RBFOX1: variants seen among roughly 807,000 people sequenced by gnomAD.
The protein encoded by RBFOX1 is RNA binding fox-1 homolog 1, also known as RNA binding protein fox-1 homolog 1.
A neutral mutation model predicts 57.7 loss-of-function variants in RBFOX1; 8 were observed. That is an observed-to-expected ratio of 0.14 (90% confidence interval 0.08 to 0.25). The LOEUF is 0.25. Among genes scored for constraint, RBFOX1 ranks in the 10% least tolerant of loss-of-function variants. RBFOX1 has a pLI of 1.00. For synonymous variants in RBFOX1, 326 were observed against 222.4 expected (o/e 1.47, Z -4.15); for missense variants, 611 against 548.5 (o/e 1.11, Z -1.14).
Position 5,469,458 on chromosome 16 carries a change from C to G in RBFOX1, c.258+2204C>G, listed in dbSNP as rs188416437. On this transcript the variant is annotated intron_variant, in intron 2 of 2. Transcript: ENST00000585867. ...CACGTGCATTCATTGCTTCTGTCTA[C>G]GCTGCCTGAGTGATGGCACCATTGT... is the stretch of plus-strand genomic sequence containing the variant. Among the ~76,000 whole-genome samples, 172 of 152,292 alleles carry G rather than the reference C, an allele frequency of 1.1e-3. 1 individual carries two copies. Among genetic ancestry groups the G allele is most frequent in the Admixed American group, 2.4e-3 (36 of 15,302 alleles).
intron 3 of RBFOX1, among the ~76,000 whole-genome samples, chr16:6,984,381 A>G (rs4786956): frequency 0.78 from 118,447 of 152,072 alleles, 46,678 homozygotes; most frequent in African/African-American, 0.9. Context: ...CCTACATCCT[A>G]CAGCACTACT....
chr16:5,558,530 G>C (rs138952086), intron 2 of RBFOX1, among the ~76,000 whole-genome samples: 1 of 152,096 alleles, frequency 6.6e-6, no homozygotes, highest in Non-Finnish European at 1.5e-5. Flanking sequence ...AGTGACCAGA[G>C]ACACTCCTGA....
At position 7,501,570 on chromosome 16, in the gene RBFOX1, C is replaced by T. The variant is rs572831269; in HGVS notation, c.28-16577C>T. On this transcript the variant is annotated intron_variant, in intron 4 of 15. Transcript: ENST00000550418. ...AGCCCAGCTCTATATTTTATAGGTC[C>T]TATGTCTCTGTGAAAATGTCCTCAT... Among the ~76,000 whole-genome samples, 4 of 152,316 alleles carry T rather than the reference C, an allele frequency of 2.6e-5. No individual in the cohort carries two copies. In the South Asian group the frequency reaches 8.3e-4, roughly 32 times the overall value.
chr16:7,029,109 C>CAT (rs1568440190), intron 3 of RBFOX1, among the ~76,000 whole-genome samples: 13 of 61,814 alleles, frequency 2.1e-4, no homozygotes, highest in Non-Finnish European at 3.0e-4. Flanking sequence ...CACACACACA[C>CAT]ACACACACAC....
intron 4 of RBFOX1, among the ~76,000 whole-genome samples, chr16:7,150,411 G>T (rs540730349): frequency 6.6e-6 from 1 of 152,242 alleles, no homozygotes; most frequent in South Asian, 2.1e-4. Context: ...TGGTCCCCGG[G>T]CTGTATTTGA....
chr16:6,489,416 G>A (rs2095579845), intron 2 of RBFOX1, among the ~76,000 whole-genome samples: 1 of 152,132 alleles, frequency 6.6e-6, no homozygotes, highest in South Asian at 2.1e-4. Flanking sequence ...GATAAGCCTA[G>A]GAGATTGTTA....
intron 3 of RBFOX1, among the ~76,000 whole-genome samples, chr16:6,657,973 G>A (rs1297946098): frequency 6.6e-6 from 1 of 151,776 alleles, no homozygotes; most frequent in African/African-American, 2.4e-5. Flanking sequence ...TTCGTTTCCA[G>A]ATATTCCACA....
chr16:7,620,447 C>G (rs2059134712), intron 10 of RBFOX1, among the ~76,000 whole-genome samples: 1 of 152,218 alleles, frequency 6.6e-6, no homozygotes, highest in Admixed American at 6.5e-5. Flanking sequence ...TTCATTATTT[C>G]TCCTCTGCAT....
chr16:6,709,975 A>G (rs1261870403), intron 3 of RBFOX1, among the ~76,000 whole-genome samples: 1 of 152,138 alleles, frequency 6.6e-6, no homozygotes, highest in Non-Finnish European at 1.5e-5. Context: ...CGGCACAGCC[A>G]CCTGTGCTCA....
At chr16:7,702,641 T>G (rs2148239203) in intron 14 of RBFOX1, among the ~76,000 whole-genome samples, 1 of 152,298 alleles carries the variant, frequency 6.6e-6, no homozygotes, top group South Asian at 2.1e-4. Flanking sequence ...TCTGGTCTTG[T>G]TCTTTCTTTT....
At chr16:5,891,866 T>A (rs1284585740) in intron 4 of RBFOX1, among the ~76,000 whole-genome samples, 3 of 152,134 alleles carry the variant, frequency 2.0e-5, no homozygotes, top group Non-Finnish European at 4.4e-5. Flanking sequence ...TCTGAGGGAT[T>A]CTAGGAACAA....
intron 1 of RBFOX1, among the ~76,000 whole-genome samples, chr16:5,389,657 C>G (rs1328458407): frequency 6.6e-6 from 1 of 151,650 alleles, no homozygotes; most frequent in Non-Finnish European, 1.5e-5. Context: ...TTTTTTGCTG[C>G]TTCTCTTCCT....
At chr16:5,292,569 C>G (rs60416636) in intron 1 of RBFOX1, among the ~76,000 whole-genome samples, 1,651 of 152,234 alleles carry the variant, frequency 0.011, 24 homozygotes, top group African/African-American at 0.038. Flanking sequence ...CACCATCACT[C>G]CCCCTGATTG....
At chr16:6,718,901 T>TG in intron 3 of RBFOX1, among the ~76,000 whole-genome samples, 1 of 152,212 alleles carries the variant, frequency 6.6e-6, no homozygotes, top group Middle Eastern at 3.4e-3. Flanking sequence ...CTTGTACTGT[T>TG]GCCTAGGCTG....
At chr16:6,947,170 C>A (rs902353816) in intron 3 of RBFOX1, among the ~76,000 whole-genome samples, 2 of 152,136 alleles carry the variant, frequency 1.3e-5, no homozygotes, top group African/African-American at 4.8e-5. Context: ...AAATCACTGG[C>A]TGTGATTTCA....
At chr16:6,792,144 A>T (rs766829402) in intron 3 of RBFOX1, among the ~76,000 whole-genome samples, 1 of 152,176 alleles carries the variant, frequency 6.6e-6, no homozygotes, top group African/African-American at 2.4e-5. Flanking sequence ...ATTGAAACAC[A>T]TAAACTATGC....
chr16:5,491,574 A>C (rs946541958), intron 2 of RBFOX1, among the ~76,000 whole-genome samples: 1 of 152,238 alleles, frequency 6.6e-6, no homozygotes, highest in African/African-American at 2.4e-5. Context: ...AGCAATCAAA[A>C]TAGATTAACA....
At chr16:7,450,787 C>G (rs1004549193) in intron 4 of RBFOX1, among the ~76,000 whole-genome samples, 1 of 152,074 alleles carries the variant, frequency 6.6e-6, no homozygotes, top group African/African-American at 2.4e-5. Flanking sequence ...CCCCAGTAGA[C>G]ATTGAAGAGG....
intron 3 of RBFOX1, among the ~76,000 whole-genome samples, chr16:7,010,484 A>G (rs2093601585): frequency 6.6e-6 from 1 of 152,060 alleles, no homozygotes; most frequent in South Asian, 2.1e-4. Flanking sequence ...TCTGGTGGCC[A>G]GTGAAGGAGA....
Sources: gnomAD v4.1 joint callset for allele counts (sites outside exome capture counted in the v4.1 genomes callset) on GRCh38, gnomAD v4.1.1 for gene constraint, MANE v1.5 for transcripts, NCBI Gene and HGNC (gene_info 2026-07-23, HGNC 2026-07-21) for gene names.